The following MAP2 variants were observed in gnomAD, a reference collection of about 807,000 sequenced individuals.
MAP2 encodes microtubule associated protein 2.
A neutral mutation model predicts 137.6 loss-of-function variants in MAP2; 14 were observed. That is an observed-to-expected ratio of 0.10 (90% CI 0.07 to 0.16). The LOEUF (loss-of-function observed/expected upper bound fraction) is 0.16, where lower values mean the gene tolerates loss of function less well. Among genes scored for constraint, MAP2 ranks in the 10% least tolerant of loss-of-function variants. The probability of loss-of-function intolerance (pLI) is 1.00; values close to 1 mark genes in which losing one functional copy is unlikely to be tolerated. For synonymous variants in MAP2, 786 were observed against 782.3 expected (o/e 1.00, Z -0.08); for missense variants, 2,088 against 2,191.5 (o/e 0.95, Z 0.94).
At chr2:209,707,838 A>T (rs1009192394) in intron 12 of MAP2, among the ~76,000 whole-genome samples, 5 of 152,188 alleles carry the variant, frequency 3.3e-5, no homozygotes, top group Admixed American at 1.3e-4. Context: ...GTTTTCTACA[A>T]GTATGGAAAT....
rs563775382 is a variant in MAP2, at chr2:209,608,136, C to G, written c.-106-16917C>G. ...AAGAATGTGAAAACTTGATTTCACTCTTGACTCTACTGTGCACCACTGACT... is the reference window on the plus strand; with the variant it reads ...AAGAATGTGAAAACTTGATTTCACTGTTGACTCTACTGTGCACCACTGACT... On this transcript the variant is annotated intron_variant, in intron 3 of 15. Coordinates refer to ENST00000682079, the MANE Select transcript of MAP2 (RefSeq NM_001375505.1). Among the ~76,000 whole-genome samples, 19 of 152,284 alleles carry G rather than the reference C, an allele frequency of 1.2e-4. No homozygotes were observed. The South Asian group carries it at 3.7e-3, about 30-fold the overall frequency.
At chr2:209,623,319 G>A (rs1385878548) in intron 3 of MAP2, among the ~76,000 whole-genome samples, 1 of 151,994 alleles carries the variant, frequency 6.6e-6, no homozygotes, top group African/African-American at 2.4e-5. Flanking sequence ...CTGACCCATG[G>A]ACCATAGTTT....
At chr2:209,640,313 A>G (rs1340715021) in intron 4 of MAP2, among the ~76,000 whole-genome samples, 1 of 152,116 alleles carries the variant, frequency 6.6e-6, no homozygotes, top group African/African-American at 2.4e-5. Flanking sequence ...TGTTCCTACT[A>G]CTTGATACAC....
rs774838111 is a variant in MAP2, at chr2:209,696,266, A to G, written c.4096A>G (p.Thr1366Ala). The G allele has an allele frequency of 5.0e-6, 8 of 1,609,838 alleles. No homozygotes were observed. The African/African-American group carries it at 6.7e-5, about 14-fold the overall frequency. ...REEVALSEYK[T>A]ETYDDYKDET... ...AGAGGTTGCACTTTCTGAATATAAG[A>G]CAGAAACCTATGACGATTACAAAGA... The change falls in exon 8 of 16, where the codon ACA (threonine) becomes GCA (alanine). Residue 1366 changes from threonine (T) to alanine (A), a missense_variant. Physicochemically the swap from Thr to Ala is moderately conservative, Grantham distance 58 (BLOSUM62 0). Coordinates refer to ENST00000682079, the MANE Select transcript of MAP2 (RefSeq NM_001375505.1).
chr2:209,638,703 T>C (rs1298709896), intron 4 of MAP2, among the ~76,000 whole-genome samples: 1 of 152,204 alleles, frequency 6.6e-6, no homozygotes, highest in Non-Finnish European at 1.5e-5. Flanking sequence ...AGAAGGTTTT[T>C]ACTCATGTAG....
At position 209,545,495 on chromosome 2, in the gene MAP2, C is replaced by T. The variant is rs558951893; in HGVS notation, c.-171-34541C>T. Reference sequence around the variant, plus strand: ...CCTGGTAGCAACAATATTGTGGTAACGATGCAGCTGACAGTATTGTAACAT... The same window carrying T: ...CCTGGTAGCAACAATATTGTGGTAATGATGCAGCTGACAGTATTGTAACAT... On this transcript the variant is annotated intron_variant, in intron 2 of 15. Coordinates refer to ENST00000682079, the MANE Select transcript of MAP2 (RefSeq NM_001375505.1). Among the ~76,000 whole-genome samples the T allele has an allele frequency of 3.6e-3, 547 of 152,162 alleles. 5 individuals are homozygous for T. The highest frequency in any genetic ancestry group is 6.0e-3 in the Non-Finnish European group (406 of 68,000).
At chr2:209,509,643 A>G (rs1420660485) in intron 2 of MAP2, among the ~76,000 whole-genome samples, 3 of 151,962 alleles carry the variant, frequency 2.0e-5, no homozygotes, top group Non-Finnish European at 4.4e-5. Context: ...AACAGAATAT[A>G]TGTAATGGAA....
intron 2 of MAP2, among the ~76,000 whole-genome samples, chr2:209,560,185 G>A (rs2071679380): frequency 6.6e-6 from 1 of 152,140 alleles, no homozygotes; most frequent in Non-Finnish European, 1.5e-5. Context: ...ATTCTCACCT[G>A]TTCCCTGTGC....
chr2:209,709,187 C>T (rs2064535807), intron 12 of MAP2, among the ~76,000 whole-genome samples: 1 of 152,048 alleles, frequency 6.6e-6, no homozygotes, highest in South Asian at 2.1e-4. Context: ...GTGATGAAAA[C>T]AGAGGAGAAA....
At chr2:209,494,337 C>G (rs1559234175) in intron 1 of MAP2, among the ~76,000 whole-genome samples, 1 of 151,714 alleles carries the variant, frequency 6.6e-6, no homozygotes, top group Admixed American at 6.6e-5. Context: ...ATGTAGATGA[C>G]TGTTTGATGG....
rs970149600 is a variant in MAP2 at position 209,543,922 on chromosome 2, A to T, written c.-171-36114A>T. ...AAAAGTTTTCGTTCTAAATGTTTGT[A>T]TCTTTTTTTAAAAAGGAAAAAAACA... On this transcript the variant is annotated intron_variant, in intron 2 of 15. Coordinates refer to ENST00000682079, the MANE Select transcript of MAP2 (RefSeq NM_001375505.1). Among the ~76,000 whole-genome samples the T allele has an allele frequency of 3.9e-5, 6 of 152,164 alleles. No individual in the cohort carries two copies. In the East Asian group the frequency reaches 1.2e-3, roughly 29 times the overall value.
chr2:209,428,923 T>TTTTTTTTA (rs1693354171), intron 1 of MAP2, among the ~76,000 whole-genome samples: 3 of 146,346 alleles, frequency 2.0e-5, no homozygotes, highest in Non-Finnish European at 3.0e-5. Flanking sequence ...CTTTATTTTA[T>TTTTTTTTA]TTTATTTATT....
At chr2:209,446,883 G>A (rs1434872098) in intron 1 of MAP2, among the ~76,000 whole-genome samples, 1 of 151,810 alleles carries the variant, frequency 6.6e-6, no homozygotes, top group Admixed American at 6.6e-5. Flanking sequence ...TTAAAGAGTG[G>A]TATTAGTTTT....
At chr2:209,443,248 T>C (rs897394426) in intron 1 of MAP2, among the ~76,000 whole-genome samples, 1 of 151,476 alleles carries the variant, frequency 6.6e-6, no homozygotes, top group South Asian at 2.1e-4. Context: ...TAGCTGCTTT[T>C]AATCTTTCAA....
chr2:209,512,403 CAA>C (rs1175818263), intron 2 of MAP2, among the ~76,000 whole-genome samples: 1 of 151,654 alleles, frequency 6.6e-6, no homozygotes, highest in Non-Finnish European at 1.5e-5. Context: ...AACAAACAAA[CAA>C]ACAAATTCTC....
At chr2:209,723,121 G>A (rs2072011082) in intron 13 of MAP2, among the ~76,000 whole-genome samples, 1 of 152,202 alleles carries the variant, frequency 6.6e-6, no homozygotes, top group South Asian at 2.1e-4. Flanking sequence ...GTGCTGTGTG[G>A]ACCAACAGAA....
At chr2:209,670,578 G>A (rs1341976571) in intron 5 of MAP2, among the ~76,000 whole-genome samples, 1 of 151,756 alleles carries the variant, frequency 6.6e-6, no homozygotes, top group Non-Finnish European at 1.5e-5. Context: ...TTAAATGCTA[G>A]GCCAGTTCTA....
chr2:209,669,777 ACACACACACACACG>A (rs1358505619), intron 5 of MAP2, among the ~76,000 whole-genome samples: 1 of 150,944 alleles, frequency 6.6e-6, no homozygotes, highest in Non-Finnish European at 1.5e-5. Flanking sequence ...ACATGTGCAT[ACACACACACACACG>A]CACACACACA....
At chr2:209,658,776 G>A (rs1385265382) in intron 5 of MAP2, among the ~76,000 whole-genome samples, 1 of 151,956 alleles carries the variant, frequency 6.6e-6, no homozygotes, top group Non-Finnish European at 1.5e-5. Context: ...CAAAGTGCTG[G>A]GATTACAGGC....
Sources: allele counts gnomAD v4.1 joint callset (sites outside exome capture counted in the v4.1 genomes callset), GRCh38; gene constraint gnomAD v4.1.1; transcripts MANE v1.5; gene names NCBI Gene and HGNC (gene_info 2026-07-23, HGNC 2026-07-21).